The following ZNF131 variants were observed in gnomAD, a reference collection of about 807,000 sequenced individuals.
ZNF131 encodes the protein zinc finger and BTB domain containing 35, also known as zinc finger protein 131.
A neutral mutation model predicts 60.0 loss-of-function variants in ZNF131; 7 were observed. The observed-to-expected ratio is 0.12, with a 90% CI of 0.07 to 0.22. ZNF131 has a LOEUF of 0.22. Ranked by LOEUF, ZNF131 falls within the 10% of genes least tolerant of loss-of-function variation. The pLI, the probability that ZNF131 is intolerant of heterozygous loss-of-function variation, is 1.00. For missense variants in ZNF131, 493 were observed against 740.9 expected (o/e 0.67, Z 3.88); for synonymous variants, 257 against 253.2 (o/e 1.01, Z -0.14).
At chr5:43,172,322 C>G (rs1262506581) in intron 5 of ZNF131, among the ~76,000 whole-genome samples, 2 of 152,056 alleles carry the variant, frequency 1.3e-5, no homozygotes, top group African/African-American at 4.8e-5. Context: ...TTTTTACTAT[C>G]ACTTAACCCC....
At chr5:43,173,589 C>T (rs1033820361) in intron 6 of ZNF131, 141 bp downstream of exon 6, 20 of 1,124,496 alleles carry the variant, frequency 1.8e-5, no homozygotes, top group Non-Finnish European at 2.0e-5. Context: ...ACATTATTGT[C>T]TTGGGGACTA....
At chr5:43,144,776 A>G (rs985262364) in intron 4 of ZNF131, among the ~76,000 whole-genome samples, 1 of 152,032 alleles carries the variant, frequency 6.6e-6, no homozygotes, top group Non-Finnish European at 1.5e-5. Context: ...GAAGTGGTAC[A>G]CGTAAAGCTC....
In ZNF131 at chr5:43,162,294, A is replaced by T. The variant is rs113177735; in HGVS notation, c.1054+363A>T. On this transcript the variant is annotated intron_variant, in intron 5 of 6. Transcript: ENST00000682664. Reference sequence around the variant, plus strand: ...GTGTCGTGTTACTTACAGTACATTTACAAGCAATCCCTGACAGCCAGGCGC... The same window carrying T: ...GTGTCGTGTTACTTACAGTACATTTTCAAGCAATCCCTGACAGCCAGGCGC... Among the ~76,000 whole-genome samples the T allele has an allele frequency of 1.8e-3, 273 of 152,338 alleles. 6 individuals are homozygous for T. The East Asian group carries it at 0.046, about 26-fold the overall frequency.
At position 43,139,202 on chromosome 5, in the gene ZNF131, C is replaced by T; in HGVS notation, c.264C>T (p.Phe88=). Residue 88 remains phenylalanine (F), a synonymous_variant, in exon 4 of 7, where the codon TTC becomes TTT. Coordinates refer to ENST00000682664, the MANE Select transcript of ZNF131 (RefSeq NM_001330707.2). ...SKMAFRHLIE[F]TYTAKLMIQG... The stretch of plus-strand genomic sequence containing the variant: ...TGGCCTTTCGCCATTTAATTGAGTT[C>T]ACATATACAGCAAAATTAATGATAC... The T allele has an allele frequency of 1.2e-6, 2 of 1,611,106 alleles. No individual in the cohort carries two copies. The highest frequency in any genetic ancestry group is 1.7e-6 in the Non-Finnish European group (2 of 1,178,814).
intron 3 of ZNF131, among the ~76,000 whole-genome samples, chr5:43,134,699 T>TTC (rs1554064583): frequency 3.6e-5 from 5 of 140,638 alleles, no homozygotes; most frequent in South Asian, 2.4e-4. Flanking sequence ...TTTTCTTTTT[T>TTC]TTTTTTTTTT....
chr5:43,160,218 G>T (rs1749508393), intron 4 of ZNF131, among the ~76,000 whole-genome samples: 1 of 150,124 alleles, frequency 6.7e-6, no homozygotes, highest in South Asian at 2.1e-4. Flanking sequence ...GAAGAAATCT[G>T]TCAGCTGGGC....
chr5:43,144,125 T>C (rs1747248295), intron 4 of ZNF131, among the ~76,000 whole-genome samples: 1 of 150,594 alleles, frequency 6.6e-6, no homozygotes, highest in Non-Finnish European at 1.5e-5. Flanking sequence ...GATTTCACTG[T>C]GTTAGCCAGG....
chr5:43,166,442 G>A lies in ZNF131; in HGVS notation c.1054+4511G>A, dbSNP rs1187584963. 3.4e-5 allele frequency among the ~76,000 whole-genome samples: 5 copies of A among 147,140 alleles called. No homozygotes were observed. In the East Asian group the frequency reaches 1.0e-3, roughly 30 times the overall value. ...GTCATGCGATCTCGGCTCACTGCAAGCTCTGCCTCCTGGGTTCACGCCATT... is the reference window on the plus strand; with the variant it reads ...GTCATGCGATCTCGGCTCACTGCAAACTCTGCCTCCTGGGTTCACGCCATT... On this transcript the variant is annotated intron_variant, in intron 5 of 6. Transcript: ENST00000682664.
intron 1 of ZNF131, chr5:43,121,750 G>T (rs1579681317): frequency 4.8e-6 from 1 of 210,032 alleles, no homozygotes; most frequent in Non-Finnish European, 9.6e-6. Context: ...CTCCCTTGTT[G>T]GACTTGCGCG....
intron 1 of ZNF131, chr5:43,121,401 A>G (rs1433271138): frequency 1.3e-5 from 2 of 152,536 alleles, no homozygotes; most frequent in East Asian, 1.9e-4. Context: ...TGAGCGCCAA[A>G]TCCCCGCGCT....
chr5:43,172,233 T>C (rs904592840), intron 5 of ZNF131, among the ~76,000 whole-genome samples: 2 of 152,258 alleles, frequency 1.3e-5, no homozygotes, highest in African/African-American at 4.8e-5. Flanking sequence ...CCTGCTGTTT[T>C]AACTTGGTGT....
chr5:43,135,042 C>T (rs579337), intron 3 of ZNF131, among the ~76,000 whole-genome samples: 5 of 143,552 alleles, frequency 3.5e-5, no homozygotes, highest in African/African-American at 7.9e-5. Flanking sequence ...CTTGTTGCCC[C>T]GGCTGGAGTG....
chr5:43,134,825 C>A (rs1388092522), intron 3 of ZNF131, among the ~76,000 whole-genome samples: 1 of 150,484 alleles, frequency 6.6e-6, no homozygotes, highest in East Asian at 1.9e-4. Context: ...CTCACCCTCC[C>A]GAGTAGCTGT....
At chr5:43,134,202 G>T (rs1156317549) in intron 3 of ZNF131, among the ~76,000 whole-genome samples, 2 of 152,164 alleles carry the variant, frequency 1.3e-5, no homozygotes, top group African/African-American at 2.4e-5. Flanking sequence ...TTACCCTTAG[G>T]ATGCAAGGAT....
At chr5:43,129,253 G>A (rs1224532999) in intron 3 of ZNF131, among the ~76,000 whole-genome samples, 1 of 151,976 alleles carries the variant, frequency 6.6e-6, no homozygotes, top group African/African-American at 2.4e-5. Context: ...TGTATTTTTT[G>A]TAGAGAAGAG....
At chr5:43,169,255 G>T (rs958142616) in intron 5 of ZNF131, among the ~76,000 whole-genome samples, 9 of 152,168 alleles carry the variant, frequency 5.9e-5, no homozygotes, top group East Asian at 1.9e-4. Flanking sequence ...ATAAGAAAAT[G>T]ATGAAAGCGC....
At chr5:43,170,905 G>T (rs1277950998) in intron 5 of ZNF131, among the ~76,000 whole-genome samples, 1 of 151,004 alleles carries the variant, frequency 6.6e-6, no homozygotes, top group African/African-American at 2.4e-5. Context: ...AAAGTGCTGG[G>T]ATTACAGGTG....
intron 3 of ZNF131, among the ~76,000 whole-genome samples, chr5:43,137,171 G>A (rs1481101538): frequency 2.6e-5 from 4 of 152,192 alleles, no homozygotes; most frequent in South Asian, 2.1e-4. Flanking sequence ...TGGATGTGAC[G>A]TCAAAAGCAC....
rs74365210 is a variant in ZNF131, at chr5:43,169,562, TA to T, written c.1055-3750del. 0.01 allele frequency among the ~76,000 whole-genome samples: 1,581 copies of T among 152,322 alleles called. 106 individuals carry two copies. The East Asian group carries it at 0.19, about 18-fold the overall frequency. The stretch of plus-strand genomic sequence containing the variant: ...TGCCATTTAATTTATCTTGTCATTT[TA>T]AAAAATATATGGAACATTTATGAGT... On this transcript the variant is annotated intron_variant, in intron 5 of 6. Coordinates refer to ENST00000682664, the MANE Select transcript of ZNF131 (RefSeq NM_001330707.2).
Sources: allele counts gnomAD v4.1 joint callset (sites outside exome capture counted in the v4.1 genomes callset), GRCh38; gene constraint gnomAD v4.1.1; transcripts MANE v1.5; gene names NCBI Gene and HGNC (gene_info 2026-07-23, HGNC 2026-07-21).